Variants in CNTNAP2 observed in about 807,000 individuals in gnomAD.
CNTNAP2 encodes contactin associated protein 2, also known as contactin-associated protein-like 2.
Under a neutral mutation model 155.2 loss-of-function variants are expected in CNTNAP2, and 98 were observed. The observed-to-expected ratio is 0.63, with a 90% confidence interval of 0.54 to 0.75. The LOEUF (loss-of-function observed/expected upper bound fraction) is 0.75. CNTNAP2 is among the 30% of genes least tolerant of loss of function. The pLI is 0.00. For synonymous variants in CNTNAP2, 651 were observed against 631.2 expected (o/e 1.03, Z -0.47); for missense variants, 1,727 against 1,688.1 (o/e 1.02, Z -0.40).
intron 14 of CNTNAP2, among the ~76,000 whole-genome samples, chr7:147,934,925 T>C (rs1461069848): frequency 1.3e-5 from 2 of 152,204 alleles, no homozygotes; most frequent in African/African-American, 4.8e-5. Context: ...TTGCCAACTC[T>C]TAGTTCCCTC....
chr7:147,308,491 G>A (rs1241801813), intron 9 of CNTNAP2, among the ~76,000 whole-genome samples: 1 of 152,158 alleles, frequency 6.6e-6, no homozygotes, highest in Non-Finnish European at 1.5e-5. Context: ...GGTCCAGCCA[G>A]CAGGACTTGC....
chr7:146,474,884 G>A (rs1454886373), intron 1 of CNTNAP2, among the ~76,000 whole-genome samples: 1 of 152,112 alleles, frequency 6.6e-6, no homozygotes, highest in African/African-American at 2.4e-5. Flanking sequence ...CAGAGGGCCA[G>A]GTTTAAGACT....
chr7:147,165,261 A>T (rs1228810165), intron 8 of CNTNAP2, among the ~76,000 whole-genome samples: 1 of 151,822 alleles, frequency 6.6e-6, no homozygotes, highest in Non-Finnish European at 1.5e-5. Context: ...GACATTGAGC[A>T]TTTTTTCACA....
At chr7:147,924,944 C>T (rs570135607) in intron 14 of CNTNAP2, among the ~76,000 whole-genome samples, 71 of 151,650 alleles carry the variant, frequency 4.7e-4, no homozygotes, top group Non-Finnish European at 8.5e-4. Context: ...GATGAAATCC[C>T]GTCTCTACAA....
At chr7:147,578,930 A>G (rs1436305384) in intron 12 of CNTNAP2, among the ~76,000 whole-genome samples, 1 of 152,132 alleles carries the variant, frequency 6.6e-6, no homozygotes, top group Non-Finnish European at 1.5e-5. Context: ...TTAGTTTCTC[A>G]TCAATATTAT....
At chr7:147,580,504 T>C in intron 12 of CNTNAP2, among the ~76,000 whole-genome samples, 1 of 152,246 alleles carries the variant, frequency 6.6e-6, no homozygotes, top group East Asian at 1.9e-4. Flanking sequence ...GGGTTCAGCA[T>C]CTTCACAGAA....
At chr7:148,093,278 C>T (rs17170823) in intron 15 of CNTNAP2, among the ~76,000 whole-genome samples, 21,940 of 151,790 alleles carry the variant, frequency 0.14, 2,074 homozygotes, top group East Asian at 0.44. Context: ...GCATCAACAC[C>T]GGCTATATAC....
chr7:147,130,185 A>C (rs1042392353), intron 7 of CNTNAP2, among the ~76,000 whole-genome samples: 2 of 152,042 alleles, frequency 1.3e-5, no homozygotes, highest in African/African-American at 2.4e-5. Context: ...AGGCCAAGGC[A>C]GGAGGATCAC....
chr7:147,168,555 C>T (rs1334834126), intron 8 of CNTNAP2, among the ~76,000 whole-genome samples: 1 of 151,986 alleles, frequency 6.6e-6, no homozygotes, highest in Non-Finnish European at 1.5e-5. Flanking sequence ...AACATCTGAG[C>T]ATTTTCAGGC....
chr7:147,514,112 G>T (rs1012560812), intron 11 of CNTNAP2, among the ~76,000 whole-genome samples: 1 of 152,132 alleles, frequency 6.6e-6, no homozygotes, highest in Admixed American at 6.5e-5. Flanking sequence ...TGTGTTACAT[G>T]AAAAAATTAG....
At chr7:146,197,705 C>T (rs1458030429) in intron 1 of CNTNAP2, among the ~76,000 whole-genome samples, 3 of 152,116 alleles carry the variant, frequency 2.0e-5, no homozygotes, top group Non-Finnish European at 4.4e-5. Context: ...TCTAGTCTAA[C>T]AGTATGCTGA....
chr7:147,070,648 C>T (rs1799872633), intron 4 of CNTNAP2, among the ~76,000 whole-genome samples: 1 of 152,164 alleles, frequency 6.6e-6, no homozygotes, highest in African/African-American at 2.4e-5. Context: ...TGTCATTAAA[C>T]TGAAAGAGTC....
intron 2 of CNTNAP2, among the ~76,000 whole-genome samples, chr7:146,835,246 G>A (rs1193780841): frequency 6.6e-6 from 1 of 152,118 alleles, no homozygotes; most frequent in East Asian, 1.9e-4. Context: ...ATTTATTCTG[G>A]AGCATTCATT....
intron 1 of CNTNAP2, among the ~76,000 whole-genome samples, chr7:146,759,644 G>A (rs186731178): frequency 0.012 from 1,470 of 122,736 alleles, 16 homozygotes; most frequent in East Asian, 0.033. Flanking sequence ...CTGAGATCAC[G>A]CCACAGCACT....
intron 13 of CNTNAP2, among the ~76,000 whole-genome samples, chr7:147,842,345 A>T (rs535611277): frequency 6.6e-6 from 1 of 152,338 alleles, no homozygotes; most frequent in South Asian, 2.1e-4. Context: ...TTGCAGATTC[A>T]TAAGATAGTA....
At chr7:146,529,689 G>A (rs1475496779) in intron 1 of CNTNAP2, among the ~76,000 whole-genome samples, 2 of 152,096 alleles carry the variant, frequency 1.3e-5, no homozygotes, top group African/African-American at 2.4e-5. Flanking sequence ...ATGTAGGGCC[G>A]GGTGCGGTGG....
intron 1 of CNTNAP2, among the ~76,000 whole-genome samples, chr7:146,548,766 A>G (rs2129142288): frequency 6.9e-6 from 1 of 143,926 alleles, no homozygotes; most frequent in Non-Finnish European, 1.5e-5. Context: ...CTTATCAGAT[A>G]TAAGATTTGG....
At chr7:146,685,847 T>C (rs1342944004) in intron 1 of CNTNAP2, among the ~76,000 whole-genome samples, 1 of 152,206 alleles carries the variant, frequency 6.6e-6, no homozygotes, top group Non-Finnish European at 1.5e-5. Flanking sequence ...ATAATTGATG[T>C]ATGTGAAAAT....
rs549519098 is a variant in CNTNAP2, at chr7:147,625,943, G to A, written c.1898-13163G>A. ...TTTAACCTCTCCTGGAGTTGAAATGGATTTAGGGAGTCACATGAAATATAA... is the reference window on the plus strand; with the variant it reads ...TTTAACCTCTCCTGGAGTTGAAATGAATTTAGGGAGTCACATGAAATATAA... On this transcript the variant is annotated intron_variant, in intron 12 of 23. Coordinates refer to ENST00000361727, the MANE Select transcript of CNTNAP2 (RefSeq NM_014141.6). Among the ~76,000 whole-genome samples the A allele has an allele frequency of 2.0e-5, 3 of 152,244 alleles. No homozygotes were observed. In the East Asian group the frequency reaches 5.8e-4, roughly 30 times the overall value.
Sources: allele counts gnomAD v4.1 joint callset (sites outside exome capture counted in the v4.1 genomes callset), GRCh38; gene constraint gnomAD v4.1.1; transcripts MANE v1.5; gene names NCBI Gene and HGNC (gene_info 2026-07-23, HGNC 2026-07-21).